Variants in BTBD9 observed in about 807,000 individuals in gnomAD.
BTBD9 encodes BTB domain containing 9, also known as BTB/POZ domain-containing protein 9.
BTBD9 carries 49 observed loss-of-function variants against 64.3 expected under a neutral mutation model. The observed-to-expected ratio is 0.76, with a 90% CI of 0.61 to 0.97. The LOEUF is 0.97. Ranked by LOEUF, BTBD9 falls within the 50% of genes least tolerant of loss-of-function variation. The pLI is 0.00. For missense variants in BTBD9, 598 were observed against 762.1 expected (o/e 0.78, Z 2.53); for synonymous variants, 260 against 274.7 (o/e 0.95, Z 0.53).
chr6:38,190,721 C>G (rs1762037223), intron 10 of BTBD9, among the ~76,000 whole-genome samples: 1 of 152,172 alleles, frequency 6.6e-6, no homozygotes. Flanking sequence ...AGGTCTCACA[C>G]TCCAACTTCC....
chr6:38,211,864 G>C (rs774621633), intron 9 of BTBD9, among the ~76,000 whole-genome samples: 1 of 152,128 alleles, frequency 6.6e-6, no homozygotes, highest in Non-Finnish European at 1.5e-5. Flanking sequence ...AGCTGTTCTT[G>C]GCAATAAACA....
At chr6:38,402,299 T>C (rs1233192679) in intron 6 of BTBD9, among the ~76,000 whole-genome samples, 1 of 152,162 alleles carries the variant, frequency 6.6e-6, no homozygotes, top group Non-Finnish European at 1.5e-5. Context: ...TGCAATCCTT[T>C]TCAAAATCCC....
At chr6:38,417,800 G>GAGAGAAA (rs1554149297) in intron 6 of BTBD9, among the ~76,000 whole-genome samples, 8 of 143,038 alleles carry the variant, frequency 5.6e-5, no homozygotes, top group African/African-American at 2.2e-4. Context: ...GAGAGAGAGA[G>GAGAGAAA]AAAAAAAATA....
At chr6:38,376,965 T>G (rs1369224670) in intron 6 of BTBD9, among the ~76,000 whole-genome samples, 6 of 152,228 alleles carry the variant, frequency 3.9e-5, no homozygotes, top group African/African-American at 1.4e-4. Flanking sequence ...GGCCGGTTAT[T>G]AAAGACTGCT....
intron 7 of BTBD9, among the ~76,000 whole-genome samples, chr6:38,292,167 T>C (rs1761988795): frequency 6.6e-6 from 1 of 152,078 alleles, no homozygotes. Flanking sequence ...TTTCACCTTG[T>C]TGGTCAGGTT....
intron 9 of BTBD9, among the ~76,000 whole-genome samples, chr6:38,239,953 T>G (rs1279790324): frequency 4.0e-5 from 6 of 151,882 alleles, no homozygotes; most frequent in Non-Finnish European, 7.4e-5. Flanking sequence ...GGCACAGGAG[T>G]GCAACAAAAC....
intron 9 of BTBD9, among the ~76,000 whole-genome samples, chr6:38,230,293 A>G (rs1484038250): frequency 6.6e-6 from 1 of 152,012 alleles, no homozygotes; most frequent in Non-Finnish European, 1.5e-5. Context: ...TCAGGAGTTC[A>G]AGACCAGCCT....
Position 38,178,417 on chromosome 6 carries a change from TACC to T in BTBD9, c.1642-3238_1642-3236del, listed in dbSNP as rs1424233849. ...TGAGCAGGGTCAGGAGGTACACACG[TACC>T]ACAAGCATGAAGCACCTCCTACGTG... On this transcript the variant is annotated intron_variant, in intron 10 of 10. Coordinates refer to ENST00000481247, the MANE Select transcript of BTBD9 (RefSeq NM_001099272.2). 3.9e-5 allele frequency among the ~76,000 whole-genome samples: 6 copies of T among 152,134 alleles called. No individual in the cohort carries two copies. In the East Asian group the frequency reaches 1.2e-3, roughly 30 times the overall value.
At chr6:38,357,199 C>A (rs929883529) in intron 6 of BTBD9, among the ~76,000 whole-genome samples, 2 of 152,148 alleles carry the variant, frequency 1.3e-5, no homozygotes, top group African/African-American at 4.8e-5. Flanking sequence ...GTTAACCAAT[C>A]TTCCTCACAG....
intron 6 of BTBD9, among the ~76,000 whole-genome samples, chr6:38,477,169 A>G (rs993747020): frequency 1.3e-5 from 2 of 152,264 alleles, no homozygotes; most frequent in South Asian, 2.1e-4. Context: ...AAATGAAATG[A>G]GAAAGCTTAA....
At chr6:38,195,326 CT>C (rs1220517272) in intron 9 of BTBD9, among the ~76,000 whole-genome samples, 2 of 152,156 alleles carry the variant, frequency 1.3e-5, no homozygotes, top group African/African-American at 2.4e-5. Context: ...TTATTGATAG[CT>C]GCATAAATAT....
At chr6:38,330,335 G>C (rs1763625689) in intron 7 of BTBD9, among the ~76,000 whole-genome samples, 1 of 152,150 alleles carries the variant, frequency 6.6e-6, no homozygotes, top group Non-Finnish European at 1.5e-5. Flanking sequence ...TTACAGGTGT[G>C]AGCCACTGTG....
intron 7 of BTBD9, among the ~76,000 whole-genome samples, chr6:38,328,983 T>C (rs1041331357): frequency 2.0e-5 from 3 of 147,736 alleles, no homozygotes; most frequent in African/African-American, 7.6e-5. Context: ...TGTGTGTGTG[T>C]GTGTGTGTGT....
chr6:38,383,083 T>C (rs1443148327), intron 6 of BTBD9, among the ~76,000 whole-genome samples: 1 of 152,064 alleles, frequency 6.6e-6, no homozygotes, highest in Admixed American at 6.6e-5. Flanking sequence ...CACAAGAAAA[T>C]TCTAGTTGAC....
rs536132383 is a variant in BTBD9 at position 38,448,681 on chromosome 6, C to T, written c.1155-103588G>A. Among the ~76,000 whole-genome samples the T allele has an allele frequency of 1.3e-5, 2 of 152,256 alleles. 1 individual carries two copies. The highest frequency in any genetic ancestry group is 4.8e-5 in the African/African-American group (2 of 41,560). On this transcript the variant is annotated intron_variant, in intron 6 of 10. Transcript: ENST00000481247. ...TACAGCCGTGTGCAACCATGCCTGGCTAATTTTTGTACTTTTAGTAGAGAC... is the reference window on the plus strand; with the variant it reads ...TACAGCCGTGTGCAACCATGCCTGGTTAATTTTTGTACTTTTAGTAGAGAC...
intron 7 of BTBD9, among the ~76,000 whole-genome samples, chr6:38,333,612 T>C (rs1245139186): frequency 6.6e-6 from 1 of 152,136 alleles, no homozygotes; most frequent in East Asian, 1.9e-4. Context: ...TCACTCTTTC[T>C]CTCTCTCTCC....
intron 6 of BTBD9, among the ~76,000 whole-genome samples, chr6:38,552,896 C>A (rs1774874697): frequency 1.3e-5 from 2 of 152,080 alleles, no homozygotes; most frequent in Admixed American, 1.3e-4. Flanking sequence ...TTCCAGGACC[C>A]CCAAACCCCC....
At chr6:38,309,374 T>C (rs529982823) in intron 7 of BTBD9, among the ~76,000 whole-genome samples, 3 of 150,496 alleles carry the variant, frequency 2.0e-5, no homozygotes, top group African/African-American at 7.3e-5. Context: ...ATCTCCCAAA[T>C]AAACAAACAA....
At chr6:38,614,231 A>T (rs1251592828) in intron 1 of BTBD9, among the ~76,000 whole-genome samples, 1 of 152,062 alleles carries the variant, frequency 6.6e-6, no homozygotes, top group Non-Finnish European at 1.5e-5. Flanking sequence ...CTGCCAATCT[A>T]GGTCACCTCT....
Sources: allele counts gnomAD v4.1 joint callset (sites outside exome capture counted in the v4.1 genomes callset), GRCh38; gene constraint gnomAD v4.1.1; transcripts MANE v1.5; gene names NCBI Gene and HGNC (gene_info 2026-07-23, HGNC 2026-07-21).